ARID3B: variants seen among roughly 807,000 people sequenced by gnomAD.
ARID3B encodes the protein AT-rich interaction domain 3B.
In ARID3B, 10 loss-of-function variants were observed where a neutral mutation model predicts 51.9. That is an observed-to-expected ratio of 0.19 (90% confidence interval 0.12 to 0.33). The LOEUF is 0.33. Ranked by LOEUF, ARID3B falls within the 10% of genes least tolerant of loss-of-function variation. The probability of loss-of-function intolerance (pLI) is 1.00; values close to 1 mark genes in which losing one functional copy is unlikely to be tolerated. For missense variants in ARID3B, 483 were observed against 716.3 expected (o/e 0.67, Z 3.72); for synonymous variants, 205 against 279.5 (o/e 0.73, Z 2.66).
At chr15:74,587,610 T>C (rs192622306) in intron 4 of ARID3B, among the ~76,000 whole-genome samples, 89 of 151,568 alleles carry the variant, frequency 5.9e-4, no homozygotes, top group Non-Finnish European at 1.1e-3. Flanking sequence ...ACCTGGGGAG[T>C]GGTCCTCTCA....
intron 4 of ARID3B, among the ~76,000 whole-genome samples, chr15:74,579,830 T>TGC (rs2061752687): frequency 1.5e-5 from 1 of 66,418 alleles, no homozygotes; most frequent in Non-Finnish European, 2.7e-5. Context: ...CCTGTTGCCG[T>TGC]GTGTGTGTGT....
At chr15:74,561,907 C>T (rs2084661085) in intron 2 of ARID3B, among the ~76,000 whole-genome samples, 1 of 151,992 alleles carries the variant, frequency 6.6e-6, no homozygotes, top group Non-Finnish European at 1.5e-5. Context: ...TTACAAGATA[C>T]TCAACATGTT....
chr15:74,591,142 T>C lies in ARID3B; in HGVS notation c.882-9T>C. ...GGATTATTCTCCCTGCTTGCTTCCT[T>C]TCCTCCAGGTACATGAAGTATCTGT... On this transcript the variant is annotated splice_polypyrimidine_tract_variant and intron_variant, in intron 5 of 8. Coordinates refer to ENST00000346246, the MANE Select transcript of ARID3B (RefSeq NM_006465.4). The surrounding 1 kb of genome is among the most constrained non-coding windows in gnomAD (Gnocchi z 5.8). 2 of 1,582,272 alleles carry C rather than the reference T, an allele frequency of 1.3e-6. No homozygotes were observed. The highest frequency in any genetic ancestry group is 1.7e-6 in the Non-Finnish European group (2 of 1,158,346).
At chr15:74,575,379 C>A (rs1231738462) in intron 4 of ARID3B, among the ~76,000 whole-genome samples, 1 of 152,202 alleles carries the variant, frequency 6.6e-6, no homozygotes, top group East Asian at 1.9e-4. Flanking sequence ...TCAAGGAGGG[C>A]CACTTTGTCA....
chr15:74,590,145 G>A, intron 5 of ARID3B, 142 bp downstream of exon 5: 1 of 993,756 alleles, frequency 1.0e-6, no homozygotes. Flanking sequence ...TTTCTGAGAT[G>A]AATCCCTCAC....
intron 2 of ARID3B, among the ~76,000 whole-genome samples, chr15:74,571,178 G>A (rs899327896): frequency 2.0e-5 from 3 of 152,172 alleles, no homozygotes; most frequent in African/African-American, 7.2e-5. Context: ...TGTGAATAGG[G>A]GAAGCAAAGT....
chr15:74,592,959 A>G (rs1229614128), intron 7 of ARID3B, among the ~76,000 whole-genome samples, 179 bp from the exon 8 acceptor site: 1 of 152,216 alleles, frequency 6.6e-6, no homozygotes, highest in African/African-American at 2.4e-5. Context: ...GGAAAAAGCC[A>G]GCAACAGGAG....
chr15:74,551,654 C>T (rs1428158564), intron 2 of ARID3B, among the ~76,000 whole-genome samples: 1 of 152,186 alleles, frequency 6.6e-6, no homozygotes, highest in Non-Finnish European at 1.5e-5. Context: ...CAAACAACAA[C>T]AAAAACCTTT....
At chr15:74,593,348 C>A in intron 8 of ARID3B, 112 bp downstream of exon 8, 1 of 955,658 alleles carries the variant, frequency 1.0e-6, no homozygotes, top group Non-Finnish European at 1.6e-6. Context: ...ACAGTGGCTT[C>A]CTTTTTCCTG....
At chr15:74,547,082 G>A (rs1005480026) in intron 2 of ARID3B, among the ~76,000 whole-genome samples, 4 of 151,994 alleles carry the variant, frequency 2.6e-5, no homozygotes, top group African/African-American at 9.7e-5. Context: ...AAACTTAATG[G>A]AGTGCAAAAA....
chr15:74,567,209 C>T (rs1486947092), intron 2 of ARID3B, among the ~76,000 whole-genome samples: 1 of 152,160 alleles, frequency 6.6e-6, no homozygotes, highest in African/African-American at 2.4e-5. Context: ...TATATCCTCC[C>T]TGTCAAAACA....
chr15:74,579,638 A>C (rs1567124068), intron 4 of ARID3B, among the ~76,000 whole-genome samples: 1 of 152,186 alleles, frequency 6.6e-6, no homozygotes, highest in African/African-American at 2.4e-5. Flanking sequence ...ATCACCAGGA[A>C]TCTCCGAGAC....
At chr15:74,556,799 G>T (rs2061660209) in intron 2 of ARID3B, among the ~76,000 whole-genome samples, 1 of 128,974 alleles carries the variant, frequency 7.8e-6, no homozygotes. Flanking sequence ...TTTTGAGACG[G>T]AGTCTCACTC....
At chr15:74,584,077 T>C (rs1275387853) in intron 4 of ARID3B, among the ~76,000 whole-genome samples, 2 of 152,216 alleles carry the variant, frequency 1.3e-5, no homozygotes, top group Non-Finnish European at 2.9e-5. Flanking sequence ...GTGGTACATG[T>C]GCAGGTTTTT....
intron 2 of ARID3B, among the ~76,000 whole-genome samples, chr15:74,571,567 C>T (rs77257372): frequency 2.2e-3 from 336 of 152,272 alleles, no homozygotes; most frequent in African/African-American, 8.0e-3. Context: ...TTTTGACCCC[C>T]CTGTAAGGTA....
intron 2 of ARID3B, among the ~76,000 whole-genome samples, chr15:74,553,340 T>C (rs1161358935): frequency 6.6e-6 from 1 of 152,252 alleles, no homozygotes; most frequent in African/African-American, 2.4e-5. Context: ...GTTCTGTTTT[T>C]AAGCCATTTT....
intron 2 of ARID3B, among the ~76,000 whole-genome samples, chr15:74,548,180 A>G (rs1190660603): frequency 2.6e-5 from 4 of 152,218 alleles, no homozygotes; most frequent in Admixed American, 1.3e-4. Flanking sequence ...CCTTTTCTCA[A>G]AGGAGATCAT....
intron 2 of ARID3B, among the ~76,000 whole-genome samples, chr15:74,557,996 T>C (rs1350053835): frequency 6.6e-6 from 1 of 151,818 alleles, no homozygotes; most frequent in African/African-American, 2.4e-5. Flanking sequence ...TAATTTTTTG[T>C]ATTTTTAGTA....
intron 1 of ARID3B, among the ~76,000 whole-genome samples, chr15:74,542,544 A>G (rs2061599009): frequency 6.6e-6 from 1 of 152,230 alleles, no homozygotes; most frequent in Admixed American, 6.5e-5. Context: ...CCTGGAAAAA[A>G]TCTTAAATCC....
Sources: gnomAD v4.1 joint callset for allele counts (sites outside exome capture counted in the v4.1 genomes callset) on GRCh38, gnomAD v4.1.1 for gene constraint, Gnocchi (gnomAD v3.1) non-coding constraint, MANE v1.5 for transcripts, NCBI Gene and HGNC (gene_info 2026-07-23, HGNC 2026-07-21) for gene names.